Variants in UMAD1 observed in about 807,000 individuals in gnomAD.
UMAD1 encodes the protein UBAP1-MVB12-associated (UMA)-domain containing protein 1.
UMAD1 carries 8 observed loss-of-function variants against 6.1 expected under a neutral mutation model. That is an observed-to-expected ratio of 1.30 (90% confidence interval 0.76 to 2.35). UMAD1 has a LOEUF of 2.35. Among genes scored for constraint, UMAD1 ranks in the 30% most tolerant of loss-of-function variants. The pLI, the probability that UMAD1 is intolerant of heterozygous loss-of-function variation, is 0.00. For missense variants in UMAD1, 130 were observed against 78.4 expected (o/e 1.66, Z -2.49); for synonymous variants, 56 against 31.4 (o/e 1.78, Z -2.61).
At chr7:7,657,868 T>TG (rs1785379645) in intron 1 of UMAD1, among the ~76,000 whole-genome samples, 1 of 152,256 alleles carries the variant, frequency 6.6e-6, no homozygotes, top group South Asian at 2.1e-4. Context: ...GGTAGCTTGA[T>TG]GGGGATAGCA....
intron 2 of UMAD1, among the ~76,000 whole-genome samples, chr7:7,796,410 C>A (rs958194480): frequency 6.6e-6 from 1 of 151,758 alleles, no homozygotes; most frequent in African/African-American, 2.4e-5. Context: ...CCCTACCGCA[C>A]CCGGCTAATT....
At chr7:7,757,425 C>A (rs988978270) in intron 2 of UMAD1, among the ~76,000 whole-genome samples, 1 of 152,136 alleles carries the variant, frequency 6.6e-6, no homozygotes, top group East Asian at 1.9e-4. Flanking sequence ...ACCATGTGAA[C>A]GTAGTACAGG....
intron 2 of UMAD1, among the ~76,000 whole-genome samples, chr7:7,778,275 T>TAA (rs1782265751): frequency 1.3e-4 from 14 of 110,652 alleles, no homozygotes; most frequent in South Asian, 6.4e-4. Context: ...TGTGTGTGTG[T>TAA]GAGAGAGAGA....
chr7:7,780,403 TA>T (rs1460481564), intron 2 of UMAD1, among the ~76,000 whole-genome samples: 1 of 152,238 alleles, frequency 6.6e-6, no homozygotes, highest in Admixed American at 6.5e-5. Flanking sequence ...AACTGTATTT[TA>T]TGCACAGATA....
At chr7:7,856,147 T>C (rs545813134) in intron 3 of UMAD1, among the ~76,000 whole-genome samples, 3 of 152,372 alleles carry the variant, frequency 2.0e-5, no homozygotes, top group East Asian at 3.9e-4. Context: ...CCTCTGCCCA[T>C]TACCCAATTC....
At chr7:7,693,804 A>G (rs1014207822) in intron 2 of UMAD1, among the ~76,000 whole-genome samples, 1 of 152,192 alleles carries the variant, frequency 6.6e-6, no homozygotes, top group African/African-American at 2.4e-5. Flanking sequence ...TTAAACTTAT[A>G]AACTCTAATC....
intron 3 of UMAD1, among the ~76,000 whole-genome samples, chr7:7,850,694 T>G (rs1227323352): frequency 1.3e-5 from 2 of 152,092 alleles, no homozygotes; most frequent in Non-Finnish European, 2.9e-5. Context: ...AAGGTAATTT[T>G]TTAAGAAACA....
intron 3 of UMAD1, among the ~76,000 whole-genome samples, chr7:7,814,425 A>C (rs1261289066): frequency 6.6e-6 from 1 of 152,048 alleles, no homozygotes; most frequent in Non-Finnish European, 1.5e-5. Context: ...TTTACAGTTC[A>C]GTTTTAGTAA....
intron 2 of UMAD1, among the ~76,000 whole-genome samples, chr7:7,800,180 G>T (rs566582519): frequency 1.3e-5 from 2 of 152,338 alleles, no homozygotes; most frequent in African/African-American, 4.8e-5. Context: ...ACCATGCCTG[G>T]CCTTGTCACA....
chr7:7,849,624 A>G (rs1273505197), intron 3 of UMAD1, among the ~76,000 whole-genome samples: 3 of 152,198 alleles, frequency 2.0e-5, no homozygotes, highest in East Asian at 3.8e-4. Context: ...ATTCTCTCAT[A>G]TACTGCACAT....
intron 1 of UMAD1, among the ~76,000 whole-genome samples, chr7:7,660,539 T>A (rs550228940): frequency 6.6e-6 from 1 of 152,180 alleles, no homozygotes; most frequent in Non-Finnish European, 1.5e-5. Context: ...TGTAAAGGAT[T>A]TTATTTCTCA....
At chr7:7,837,826 C>T (rs2115311246) in intron 3 of UMAD1, among the ~76,000 whole-genome samples, 1 of 152,136 alleles carries the variant, frequency 6.6e-6, no homozygotes, top group African/African-American at 2.4e-5. Context: ...AAATACAGTA[C>T]TGTGGTTTAC....
chr7:7,706,551 A>G (rs966827734), intron 2 of UMAD1, among the ~76,000 whole-genome samples: 1 of 152,220 alleles, frequency 6.6e-6, no homozygotes, highest in African/African-American at 2.4e-5. Flanking sequence ...ATCATTTTTT[A>G]AAATTGGAAA....
chr7:7,878,128 C>T lies in UMAD1; in HGVS notation c.*590C>T, dbSNP rs1037279320. On this transcript the variant is annotated 3_prime_UTR_variant, in exon 4 of 4. Transcript: ENST00000682710. ...CTCTGCGTGCTCTTTCTGGAGTGGC[C>T]CATTTCGGTTTTCTGAAACCCATGG... 3 of 152,420 alleles carry T rather than the reference C, an allele frequency of 2.0e-5. No individual in the cohort carries two copies. Among genetic ancestry groups the T allele is most frequent in the African/African-American group, 7.2e-5 (3 of 41,422 alleles). 9.4% of individuals were successfully genotyped at this position (152,420 alleles called of 1,614,324 possible).
intron 1 of UMAD1, among the ~76,000 whole-genome samples, chr7:7,649,701 C>T (rs1785180616): frequency 6.6e-6 from 1 of 151,110 alleles, no homozygotes; most frequent in Non-Finnish European, 1.5e-5. Context: ...GGGGCCCACC[C>T]TACAAATTTT....
intron 2 of UMAD1, among the ~76,000 whole-genome samples, chr7:7,764,478 T>C (rs1309877630): frequency 3.9e-5 from 6 of 152,342 alleles, no homozygotes; most frequent in African/African-American, 1.4e-4. Flanking sequence ...TTTGTTTAGA[T>C]GAAGCTGAGA....
At chr7:7,793,851 T>C (rs1223420827) in intron 2 of UMAD1, among the ~76,000 whole-genome samples, 1 of 152,230 alleles carries the variant, frequency 6.6e-6, no homozygotes. Context: ...AGAAATGTTA[T>C]ATCAGCATTT....
intron 3 of UMAD1, among the ~76,000 whole-genome samples, chr7:7,870,199 A>G (rs6463741): frequency 0.68 from 103,231 of 152,012 alleles, 35,193 homozygotes; most frequent in African/African-American, 0.72. Flanking sequence ...TTGTAATGAT[A>G]TAAATAAGAA....
chr7:7,711,028 G>A (rs1382507773), intron 2 of UMAD1, among the ~76,000 whole-genome samples: 1 of 152,164 alleles, frequency 6.6e-6, no homozygotes, highest in African/African-American at 2.4e-5. Flanking sequence ...GGTCGCCGGT[G>A]GGTAAGGATG....
Sources: allele counts gnomAD v4.1 joint callset (sites outside exome capture counted in the v4.1 genomes callset), GRCh38; gene constraint gnomAD v4.1.1; transcripts MANE v1.5; gene names NCBI Gene and HGNC (gene_info 2026-07-23, HGNC 2026-07-21).